ZBTB20: variants seen among roughly 807,000 people sequenced by gnomAD.
ZBTB20 encodes the protein zinc finger and BTB domain-containing protein 20.
ZBTB20 carries 9 observed loss-of-function variants against 56.9 expected under a neutral mutation model. The ratio of observed to expected loss-of-function variants is 0.16; its 90% CI spans 0.10 to 0.28. The LOEUF (loss-of-function observed/expected upper bound fraction) is 0.28, where lower values mean the gene tolerates loss of function less well. ZBTB20 is among the 10% of genes least tolerant of loss of function. The probability of loss-of-function intolerance (pLI) is 1.00; values close to 1 mark genes in which losing one functional copy is unlikely to be tolerated. For missense variants in ZBTB20, 655 were observed against 1,003.0 expected, an observed-to-expected ratio of 0.65 and a Z score of 4.69; for synonymous variants, 417 against 420.7, an observed-to-expected ratio of 0.99 and a Z score of 0.11.
At chr3:115,047,028 T>C (rs973945643) in intron 2 of ZBTB20, among the ~76,000 whole-genome samples, 2 of 152,228 alleles carry the variant, frequency 1.3e-5, no homozygotes, top group African/African-American at 4.8e-5. Flanking sequence ...AATATGTTGA[T>C]ATAATGCAGA....
At chr3:114,525,764 G>C (rs1031912799) in intron 6 of ZBTB20, among the ~76,000 whole-genome samples, 2 of 152,092 alleles carry the variant, frequency 1.3e-5, no homozygotes, top group Admixed American at 6.6e-5. Flanking sequence ...AAAATACTAT[G>C]GCCTCCTTAG....
chr3:115,039,723 A>G (rs1393885514), intron 2 of ZBTB20, among the ~76,000 whole-genome samples: 1 of 152,110 alleles, frequency 6.6e-6, no homozygotes, highest in Non-Finnish European at 1.5e-5. Context: ...CAATTTAAGA[A>G]GAAGTTTATG....
chr3:114,566,644 C>T (rs1019242605), intron 6 of ZBTB20, among the ~76,000 whole-genome samples: 1 of 152,172 alleles, frequency 6.6e-6, no homozygotes, highest in African/African-American at 2.4e-5. Flanking sequence ...TTCAATTGTA[C>T]ACTTAACTCA....
At chr3:114,366,637 C>T (rs2082430660) in intron 10 of ZBTB20, 1 of 152,194 alleles carries the variant, frequency 6.6e-6, no homozygotes, top group Non-Finnish European at 1.5e-5. Context: ...TAATCTGCAA[C>T]TATTACTAGG....
intron 6 of ZBTB20, among the ~76,000 whole-genome samples, chr3:114,538,315 ATCACTCT>A (rs1337493671): frequency 2.0e-5 from 3 of 152,076 alleles, no homozygotes; most frequent in Non-Finnish European, 4.4e-5. Context: ...CACCCTAAAA[ATCACTCT>A]TCAATGTTTT....
chr3:114,543,495 A>T (rs2049358852), intron 6 of ZBTB20, among the ~76,000 whole-genome samples: 1 of 152,190 alleles, frequency 6.6e-6, no homozygotes, highest in Non-Finnish European at 1.5e-5. Flanking sequence ...TTCAAGCCTT[A>T]GCCCCCATCT....
intron 7 of ZBTB20, among the ~76,000 whole-genome samples, chr3:114,461,934 CT>C (rs1438794700): frequency 6.6e-6 from 1 of 152,148 alleles, no homozygotes; most frequent in African/African-American, 2.4e-5. Context: ...AGATCACCTG[CT>C]AATCTAGGTG....
chr3:115,079,319 T>C (rs1270324960), intron 1 of ZBTB20, among the ~76,000 whole-genome samples: 1 of 152,200 alleles, frequency 6.6e-6, no homozygotes. Flanking sequence ...AATGGAAATA[T>C]GTGCGCATAG....
chr3:115,055,584 T>C (rs1576665223), intron 2 of ZBTB20, among the ~76,000 whole-genome samples: 1 of 143,050 alleles, frequency 7.0e-6, no homozygotes, highest in Non-Finnish European at 1.6e-5. Context: ...AATCTGTTTC[T>C]TCACCGTTAC....
intron 2 of ZBTB20, among the ~76,000 whole-genome samples, chr3:115,024,382 G>C (rs762403785): frequency 1.3e-5 from 2 of 150,930 alleles, no homozygotes; most frequent in Non-Finnish European, 3.0e-5. Flanking sequence ...GGCCCATAAT[G>C]GGACGAAGAA....
At chr3:114,938,079 C>CT (rs1355900071) in intron 3 of ZBTB20, among the ~76,000 whole-genome samples, 1 of 151,670 alleles carries the variant, frequency 6.6e-6, no homozygotes, top group Non-Finnish European at 1.5e-5. Flanking sequence ...GAACGTGCCA[C>CT]TACACTCCAG....
chr3:114,957,582 T>C (rs2077291476), intron 3 of ZBTB20, among the ~76,000 whole-genome samples: 1 of 152,228 alleles, frequency 6.6e-6, no homozygotes, highest in African/African-American at 2.4e-5. Flanking sequence ...GCTTTGTGAC[T>C]GGGCAAATCT....
intron 5 of ZBTB20, among the ~76,000 whole-genome samples, chr3:114,775,600 C>T (rs965103518): frequency 2.0e-5 from 3 of 151,752 alleles, no homozygotes; most frequent in African/African-American, 7.3e-5. Context: ...CTCTGAGGAG[C>T]ACCCTGAGGA....
At chr3:115,059,747 G>A (rs2081949655) in intron 2 of ZBTB20, among the ~76,000 whole-genome samples, 1 of 151,936 alleles carries the variant, frequency 6.6e-6, no homozygotes. Context: ...CTCTGTTTAG[G>A]TTTCCCTTCT....
intron 10 of ZBTB20, among the ~76,000 whole-genome samples, chr3:114,372,493 CT>C (rs1267703014): frequency 6.6e-6 from 1 of 152,142 alleles, no homozygotes; most frequent in East Asian, 1.9e-4. Context: ...AGCATGACAC[CT>C]GTAGGTGACT....
chr3:114,484,254 T>C (rs930979429), intron 7 of ZBTB20, among the ~76,000 whole-genome samples: 2 of 152,150 alleles, frequency 1.3e-5, no homozygotes, highest in African/African-American at 4.8e-5. Flanking sequence ...GTTACCTAAA[T>C]TAGTTTTGAT....
At chr3:114,830,205 C>T (rs1438077326) in intron 4 of ZBTB20, among the ~76,000 whole-genome samples, 1 of 151,870 alleles carries the variant, frequency 6.6e-6, no homozygotes, top group African/African-American at 2.4e-5. Context: ...GTACTCTTTG[C>T]TTTAAGAAGA....
intron 6 of ZBTB20, among the ~76,000 whole-genome samples, chr3:114,652,299 A>G (rs892895249): frequency 8.5e-5 from 13 of 152,122 alleles, no homozygotes; most frequent in Middle Eastern, 3.4e-3. Context: ...GCTCTTCTGC[A>G]TACCATGTTT....
intron 6 of ZBTB20, among the ~76,000 whole-genome samples, chr3:114,546,236 A>C (rs1339428405): frequency 6.6e-6 from 1 of 152,216 alleles, no homozygotes; most frequent in African/African-American, 2.4e-5. Context: ...TTACATCTTC[A>C]GAAAGCAGCC....
Sources: gnomAD v4.1 joint callset for allele counts (sites outside exome capture counted in the v4.1 genomes callset) on GRCh38, gnomAD v4.1.1 for gene constraint, MANE v1.5 for transcripts, NCBI Gene and HGNC (gene_info 2026-07-23, HGNC 2026-07-21) for gene names.